Variants in CSRNP3 observed in about 807,000 individuals in gnomAD.
CSRNP3 encodes cysteine and serine rich nuclear protein 3, also known as cysteine/serine-rich nuclear protein 3.
Under a neutral mutation model 48.0 loss-of-function variants are expected in CSRNP3, and 12 were observed. The ratio of observed to expected loss-of-function variants is 0.25; its 90% CI spans 0.16 to 0.41. The LOEUF is 0.41. CSRNP3 is among the 10% of genes least tolerant of loss of function. CSRNP3 has a pLI of 1.00. For missense variants in CSRNP3, 580 were observed against 724.4 expected, an observed-to-expected ratio of 0.80 and a Z score of 2.29; for synonymous variants, 263 against 269.7, an observed-to-expected ratio of 0.98 and a Z score of 0.24.
intron 4 of CSRNP3, among the ~76,000 whole-genome samples, chr2:165,599,808 G>C (rs1257296443): frequency 1.3e-5 from 2 of 150,154 alleles, no homozygotes; most frequent in Non-Finnish European, 3.0e-5. Flanking sequence ...TATTATTATT[G>C]ATAAGTCCTA....
intron 4 of CSRNP3, among the ~76,000 whole-genome samples, chr2:165,632,484 G>C (rs554241570): frequency 6.6e-6 from 1 of 152,236 alleles, no homozygotes; most frequent in African/African-American, 2.4e-5. Flanking sequence ...ACTCCAGTCA[G>C]AGTGACAGAG....
chr2:165,477,290 G>A (rs1356981041), intron 1 of CSRNP3, among the ~76,000 whole-genome samples: 4 of 151,122 alleles, frequency 2.6e-5, no homozygotes, highest in Non-Finnish European at 4.4e-5. Flanking sequence ...CTATGCTAAC[G>A]TACACTAAGA....
At chr2:165,629,248 A>C (rs1224895594) in intron 4 of CSRNP3, among the ~76,000 whole-genome samples, 1 of 152,062 alleles carries the variant, frequency 6.6e-6, no homozygotes, top group African/African-American at 2.4e-5. Context: ...GGCTCCCACC[A>C]AGTTGTTCTC....
At position 165,685,844 on chromosome 2, in the gene CSRNP3, G is replaced by A. The variant is rs561630182; in HGVS notation, c.*6091G>A. 7.9e-5 allele frequency: 12 copies of A among 152,066 alleles called. No individual in the cohort carries two copies. The highest frequency in any genetic ancestry group is 5.9e-4 in the Admixed American group (9 of 15,236). 9.4% of individuals were successfully genotyped at this position (152,066 alleles called of 1,614,324 possible). A position where few individuals can be genotyped will look rare whatever the true frequency, so the allele number is the denominator to read the frequency against. ...TAACATTTGTATTCAGCATGCTAATGATGTAACTCCTCTCTTTATCATTAC... is the reference window on the plus strand; with the variant it reads ...TAACATTTGTATTCAGCATGCTAATAATGTAACTCCTCTCTTTATCATTAC... On this transcript the variant is annotated 3_prime_UTR_variant, in exon 7 of 7. Transcript: ENST00000651982.
chr2:165,560,821 C>T (rs538714190), intron 3 of CSRNP3, among the ~76,000 whole-genome samples: 3 of 152,242 alleles, frequency 2.0e-5, no homozygotes, highest in East Asian at 1.9e-4. Flanking sequence ...AGACTTTTTC[C>T]GTTTATGTAC....
At chr2:165,591,544 G>A (rs1685717519) in intron 3 of CSRNP3, among the ~76,000 whole-genome samples, 1 of 152,154 alleles carries the variant, frequency 6.6e-6, no homozygotes. Context: ...AGGCCTAGGA[G>A]GAAAAAATGG....
chr2:165,598,486 C>A (rs1315309979), intron 4 of CSRNP3, among the ~76,000 whole-genome samples: 1 of 152,048 alleles, frequency 6.6e-6, no homozygotes, highest in Non-Finnish European at 1.5e-5. Context: ...AACAAGGTGT[C>A]CAACTTAAAC....
intron 3 of CSRNP3, among the ~76,000 whole-genome samples, chr2:165,519,805 A>G (rs1684628023): frequency 6.6e-6 from 1 of 152,164 alleles, no homozygotes; most frequent in African/African-American, 2.4e-5. Context: ...ATTATGTCTT[A>G]TGTTTGATGC....
intron 4 of CSRNP3, among the ~76,000 whole-genome samples, chr2:165,632,485 A>C (rs1025470103): frequency 6.6e-6 from 1 of 152,134 alleles, no homozygotes; most frequent in Non-Finnish European, 1.5e-5. Context: ...CTCCAGTCAG[A>C]GTGACAGAGC....
chr2:165,679,787 T>A lies in CSRNP3; in HGVS notation c.*34T>A. The A allele has an allele frequency of 6.3e-7, 1 of 1,579,404 alleles. No individual in the cohort carries two copies. The highest frequency in any genetic ancestry group is 8.6e-7 in the Non-Finnish European group (1 of 1,161,940). On this transcript the variant is annotated 3_prime_UTR_variant, in exon 7 of 7. Transcript: ENST00000651982. ...ATTATTCTAGGACCAACTCTTCTCTTATTTAAGGCACTGTATTTAATTGGA... is the reference window on the plus strand; with the variant it reads ...ATTATTCTAGGACCAACTCTTCTCTAATTTAAGGCACTGTATTTAATTGGA...
At chr2:165,624,161 A>C (rs1255477854) in intron 4 of CSRNP3, among the ~76,000 whole-genome samples, 1 of 152,194 alleles carries the variant, frequency 6.6e-6, no homozygotes, top group Non-Finnish European at 1.5e-5. Flanking sequence ...AAGGAAAAAC[A>C]GTTTTTATTT....
chr2:165,579,837 A>AATAGTAGC (rs1034403919), intron 3 of CSRNP3, among the ~76,000 whole-genome samples: 12 of 151,824 alleles, frequency 7.9e-5, no homozygotes, highest in Non-Finnish European at 1.8e-4. Context: ...AAATTATTTT[A>AATAGTAGC]ATAGTAGCAT....
chr2:165,662,500 A>C (rs1374544068), intron 5 of CSRNP3, among the ~76,000 whole-genome samples: 2 of 152,226 alleles, frequency 1.3e-5, no homozygotes, highest in East Asian at 3.8e-4. Flanking sequence ...CAAACATGTC[A>C]TACTCTTCAC....
intron 4 of CSRNP3, among the ~76,000 whole-genome samples, chr2:165,643,870 T>C (rs1405644482): frequency 6.6e-6 from 1 of 152,214 alleles, no homozygotes; most frequent in Non-Finnish European, 1.5e-5. Flanking sequence ...TTAATAAATC[T>C]TAAGCAATAT....
chr2:165,563,701 A>G (rs1160944815), intron 3 of CSRNP3, among the ~76,000 whole-genome samples: 2 of 152,148 alleles, frequency 1.3e-5, no homozygotes, highest in Non-Finnish European at 2.9e-5. Context: ...TTTGTCTTCC[A>G]GGCACTCTCT....
intron 3 of CSRNP3, among the ~76,000 whole-genome samples, chr2:165,520,806 T>C (rs1165326775): frequency 7.5e-5 from 5 of 66,306 alleles, no homozygotes; most frequent in Admixed American, 1.5e-4. Flanking sequence ...TATATATATA[T>C]ATATATATAT....
intron 2 of CSRNP3, among the ~76,000 whole-genome samples, chr2:165,501,691 T>C (rs1684361130): frequency 6.6e-6 from 1 of 152,272 alleles, no homozygotes; most frequent in South Asian, 2.1e-4. Context: ...CATGACTTTT[T>C]ACTAAAAAAG....
At position 165,676,503 on chromosome 2, in the gene CSRNP3, C is replaced by T. The variant is rs761399960; in HGVS notation, c.600C>T (p.His200=). Residue 200 remains histidine, a synonymous_variant, in exon 6 of 7, where the codon CAC becomes CAT. Coordinates refer to ENST00000651982, the MANE Select transcript of CSRNP3 (RefSeq NM_001172173.2). ...GVKKIDVEEK[H]ELRAIRLSRE... is the part of the protein sequence containing the mutation. Reference sequence around the variant, plus strand: ...AAAAGATTGACGTGGAAGAAAAGCACGAACTCCGAGCCATCCGCCTCTCAC... The same window carrying T: ...AAAAGATTGACGTGGAAGAAAAGCATGAACTCCGAGCCATCCGCCTCTCAC... The T allele has an allele frequency of 2.5e-5, 41 of 1,614,112 alleles. No individual in the cohort carries two copies. Among genetic ancestry groups the T allele is most frequent in the South Asian group, 2.0e-4 (18 of 91,078 alleles).
At chr2:165,470,468 T>G (rs1171274832) in intron 1 of CSRNP3, among the ~76,000 whole-genome samples, 1 of 152,092 alleles carries the variant, frequency 6.6e-6, no homozygotes, top group African/African-American at 2.4e-5. Context: ...CTGTAAAAAA[T>G]AGCATCTTAA....
Sources: allele counts gnomAD v4.1 joint callset (sites outside exome capture counted in the v4.1 genomes callset), GRCh38; gene constraint gnomAD v4.1.1; transcripts MANE v1.5; gene names NCBI Gene and HGNC (gene_info 2026-07-23, HGNC 2026-07-21).